KCNMA1: variants seen among roughly 807,000 people sequenced by gnomAD.
The protein encoded by KCNMA1 is Calcium-activated potassium channel subunit alpha-1.
In KCNMA1, 29 loss-of-function variants were observed where a neutral mutation model predicts 140.0. The observed-to-expected ratio is 0.21, with a 90% CI of 0.15 to 0.28. KCNMA1 has a LOEUF of 0.28. Ranked by LOEUF, KCNMA1 falls within the 10% of genes least tolerant of loss-of-function variation. The pLI is 1.00. For missense variants in KCNMA1, 880 were observed against 1,602.2 expected, an observed-to-expected ratio of 0.55 and a Z score of 7.70; for synonymous variants, 612 against 611.9, an observed-to-expected ratio of 1.00 and a Z score of 0.00.
intron 2 of KCNMA1, among the ~76,000 whole-genome samples, chr10:77,357,630 T>A (rs2093608955): frequency 6.6e-6 from 1 of 152,252 alleles, no homozygotes; most frequent in Non-Finnish European, 1.5e-5. Context: ...TGTGATTTAT[T>A]TAAAAAATTA....
chr10:77,429,066 T>C (rs924876341), intron 1 of KCNMA1, among the ~76,000 whole-genome samples: 2 of 152,306 alleles, frequency 1.3e-5, no homozygotes, highest in Non-Finnish European at 2.9e-5. Context: ...TATAGATATA[T>C]GGGTCTGGTG....
rs369581929 is a variant in KCNMA1, at chr10:77,546,933, G to C, written c.378+90332C>G. On this transcript the variant is annotated intron_variant, in intron 1 of 27. Coordinates refer to ENST00000286628, the MANE Select transcript of KCNMA1 (RefSeq NM_001161352.2). ...CAGCAACAGTGAGACCCAAAGCTCA[G>C]AGAAGTCAAAGACTTTGCCTGAGGA... 1.5e-3 allele frequency among the ~76,000 whole-genome samples: 227 copies of C among 152,320 alleles called. 11 individuals are homozygous for C. In the South Asian group the frequency reaches 0.044, roughly 30 times the overall value.
chr10:77,356,660 G>C (rs158207), intron 2 of KCNMA1, among the ~76,000 whole-genome samples: 1 of 152,124 alleles, frequency 6.6e-6, no homozygotes, highest in Admixed American at 6.5e-5. Context: ...GGTCCCTCAA[G>C]TCTACCCAAC....
intron 1 of KCNMA1, among the ~76,000 whole-genome samples, chr10:77,450,604 C>A (rs752523933): frequency 6.6e-6 from 1 of 152,108 alleles, no homozygotes; most frequent in Non-Finnish European, 1.5e-5. Context: ...TAAAAAGCCT[C>A]CTTTTCAAAA....
chr10:77,164,504 T>TA (rs2098610457), intron 5 of KCNMA1, among the ~76,000 whole-genome samples: 1 of 150,680 alleles, frequency 6.6e-6, no homozygotes. Flanking sequence ...CCCACCCTCC[T>TA]ACATGCCATT....
chr10:77,105,297 G>A (rs1437296540), intron 9 of KCNMA1, among the ~76,000 whole-genome samples: 1 of 152,150 alleles, frequency 6.6e-6, no homozygotes, highest in Non-Finnish European at 1.5e-5. Flanking sequence ...TTTATATTAT[G>A]CCAAACACAT....
At chr10:77,240,399 G>A (rs1304599715) in intron 3 of KCNMA1, among the ~76,000 whole-genome samples, 1 of 152,102 alleles carries the variant, frequency 6.6e-6, no homozygotes, top group African/African-American at 2.4e-5. Flanking sequence ...ACGACCCGGG[G>A]CACCCTGAGA....
In KCNMA1 at chr10:77,001,377, TG is replaced by T; in HGVS notation, c.2266+29del. 2.6e-6 allele frequency: 4 copies of T among 1,543,018 alleles called. No individual in the cohort carries two copies. The South Asian group carries it at 4.8e-5, about 18-fold the overall frequency. On this transcript the variant is annotated intron_variant, in intron 19 of 27. Coordinates refer to ENST00000286628, the MANE Select transcript of KCNMA1 (RefSeq NM_001161352.2). Reference sequence around the variant, plus strand: ...GATGATACCACAGACAGCACAAACATGGAACTACGTGTGTTGAGGTTAAACT... The same window carrying T: ...GATGATACCACAGACAGCACAAACATGAACTACGTGTGTTGAGGTTAAACT...
intron 23 of KCNMA1, among the ~76,000 whole-genome samples, chr10:76,936,612 A>C (rs2060621080): frequency 6.6e-6 from 1 of 152,172 alleles, no homozygotes; most frequent in South Asian, 2.1e-4. Flanking sequence ...GGAGCAGCTG[A>C]AAAAATTCTT....
intron 1 of KCNMA1, among the ~76,000 whole-genome samples, chr10:77,539,355 C>T (rs890568945): frequency 6.6e-6 from 1 of 152,160 alleles, no homozygotes; most frequent in Non-Finnish European, 1.5e-5. Context: ...CTCCCAACAA[C>T]GTATCCACTA....
chr10:77,031,027 T>C (rs2093898341), intron 15 of KCNMA1, among the ~76,000 whole-genome samples: 2 of 152,196 alleles, frequency 1.3e-5, no homozygotes. Context: ...GCCCTTCCTA[T>C]GCAGATAACA....
intron 5 of KCNMA1, among the ~76,000 whole-genome samples, chr10:77,124,509 A>G (rs1280249697): frequency 6.6e-6 from 1 of 152,172 alleles, no homozygotes; most frequent in Non-Finnish European, 1.5e-5. Context: ...CATATGAGAG[A>G]AAAACAAACT....
At chr10:77,501,733 C>T (rs773979308) in intron 1 of KCNMA1, among the ~76,000 whole-genome samples, 1 of 152,214 alleles carries the variant, frequency 6.6e-6, no homozygotes, top group African/African-American at 2.4e-5. Context: ...AGGATGCTGT[C>T]CTCAAGTACC....
At chr10:76,929,794 G>T (rs1250758808) in intron 23 of KCNMA1, among the ~76,000 whole-genome samples, 2 of 152,152 alleles carry the variant, frequency 1.3e-5, no homozygotes, top group African/African-American at 4.8e-5. Context: ...TGCAGCTAAG[G>T]TTGAAAAACA....
intron 19 of KCNMA1, among the ~76,000 whole-genome samples, chr10:76,999,949 C>T (rs1235387722): frequency 1.3e-5 from 2 of 152,186 alleles, no homozygotes; most frequent in African/African-American, 4.8e-5. Context: ...GCATGGCACA[C>T]AGTGAAGTCC....
intron 5 of KCNMA1, among the ~76,000 whole-genome samples, chr10:77,129,493 C>T (rs1276786366): frequency 1.3e-5 from 2 of 152,128 alleles, no homozygotes; most frequent in African/African-American, 2.4e-5. Flanking sequence ...GTAATCTACC[C>T]TCTAAGCACA....
chr10:77,341,422 A>C (rs776353021), intron 2 of KCNMA1, among the ~76,000 whole-genome samples: 5 of 151,398 alleles, frequency 3.3e-5, no homozygotes, highest in Non-Finnish European at 5.9e-5. Context: ...CTGTTTCTCC[A>C]TCTCTCTGCA....
rs577576003 is a variant in KCNMA1 at position 76,984,208 on chromosome 10, T to TC, written c.2267-14142_2267-14141insG. ...TATTAGTATTATTATTTACTTTTTT[T>TC]TTTTGAGACGGAGTCTCGCTCTGTC... On this transcript the variant is annotated intron_variant, in intron 19 of 27. Transcript: ENST00000286628. Among the ~76,000 whole-genome samples, 46 of 151,756 alleles carry TC rather than the reference T, an allele frequency of 3.0e-4. 1 individual carries two copies. In the South Asian group the frequency reaches 9.6e-3, roughly 32 times the overall value.
At chr10:77,499,420 TATACACACACACACATACAC>T (rs1567175586) in intron 1 of KCNMA1, among the ~76,000 whole-genome samples, 1 of 142,726 alleles carries the variant, frequency 7.0e-6, no homozygotes, top group Non-Finnish European at 1.5e-5. Context: ...TATATATATA[TATACACACACACACATACAC>T]ACACACACAC....
Sources: allele counts gnomAD v4.1 joint callset (sites outside exome capture counted in the v4.1 genomes callset), GRCh38; gene constraint gnomAD v4.1.1; transcripts MANE v1.5; gene names NCBI Gene and HGNC (gene_info 2026-07-23, HGNC 2026-07-21).